Variants in IQCK observed in about 807,000 individuals in gnomAD.
IQCK encodes the protein IQ domain-containing protein K.
IQCK carries 29 observed loss-of-function variants against 28.1 expected under a neutral mutation model. The observed-to-expected ratio is 1.03, with a 90% CI of 0.77 to 1.41. IQCK has a LOEUF of 1.41. Ranked by LOEUF, IQCK falls within the 40% of genes most tolerant of loss-of-function variation. The pLI is 0.00. For missense variants in IQCK, 359 were observed against 314.7 expected (o/e 1.14, Z -1.07); for synonymous variants, 113 against 115.1 (o/e 0.98, Z 0.12).
chr16:19,810,405 G>A (rs1271117396), intron 7 of IQCK, among the ~76,000 whole-genome samples: 2 of 151,940 alleles, frequency 1.3e-5, no homozygotes, highest in Non-Finnish European at 2.9e-5. Flanking sequence ...GCTGAGGCAG[G>A]AGAATGGTGT....
intron 1 of IQCK, among the ~76,000 whole-genome samples, chr16:19,729,565 G>C (rs986260641): frequency 2.0e-5 from 3 of 152,174 alleles, no homozygotes; most frequent in Non-Finnish European, 4.4e-5. Flanking sequence ...CAGACTCTTA[G>C]ATAAAGCGTC....
At chr16:19,727,764 T>C (rs1031899986) in intron 1 of IQCK, among the ~76,000 whole-genome samples, 4 of 152,150 alleles carry the variant, frequency 2.6e-5, no homozygotes, top group African/African-American at 7.2e-5. Flanking sequence ...TATAAATGTA[T>C]ACATTTTAAA....
At chr16:19,820,166 G>T (rs1177440627) in intron 7 of IQCK, among the ~76,000 whole-genome samples, 1 of 151,968 alleles carries the variant, frequency 6.6e-6, no homozygotes, top group Non-Finnish European at 1.5e-5. Flanking sequence ...CTTAGATTTG[G>T]CAATAATTTT....
At chr16:19,775,269 A>G (rs977417062) in intron 6 of IQCK, among the ~76,000 whole-genome samples, 2 of 151,838 alleles carry the variant, frequency 1.3e-5, no homozygotes, top group African/African-American at 4.8e-5. Context: ...AATGCAAGCA[A>G]TTCTTGCCAC....
At chr16:19,773,561 T>G (rs1393580794) in intron 6 of IQCK, among the ~76,000 whole-genome samples, 1 of 152,192 alleles carries the variant, frequency 6.6e-6, no homozygotes, top group Non-Finnish European at 1.5e-5. Flanking sequence ...GTTAAGTCTT[T>G]TAGGCTTTGC....
intron 4 of IQCK, among the ~76,000 whole-genome samples, chr16:19,759,218 T>C (rs1260603910): frequency 6.6e-6 from 1 of 152,012 alleles, no homozygotes; most frequent in African/African-American, 2.4e-5. Context: ...TAATTATTAT[T>C]ATTATTATTT....
intron 7 of IQCK, among the ~76,000 whole-genome samples, chr16:19,811,626 A>G (rs2055906555): frequency 6.6e-6 from 1 of 152,208 alleles, no homozygotes; most frequent in Non-Finnish European, 1.5e-5. Flanking sequence ...TGAGTCACAG[A>G]GATAGTGCCT....
intron 9 of IQCK, among the ~76,000 whole-genome samples, chr16:19,842,826 G>A (rs1220350778): frequency 6.6e-6 from 1 of 152,108 alleles, no homozygotes; most frequent in Non-Finnish European, 1.5e-5. Flanking sequence ...AATCTTTTAA[G>A]GAAGGAAGCA....
intron 6 of IQCK, among the ~76,000 whole-genome samples, chr16:19,765,146 C>T (rs1174617714): frequency 6.8e-6 from 1 of 147,268 alleles, no homozygotes; most frequent in Non-Finnish European, 1.5e-5. Context: ...GGCGTGAACC[C>T]TGGAGGCGGA....
In IQCK at chr16:19,719,556, C is replaced by T. The variant is rs1977410016; in HGVS notation, c.181+1069C>T. 2.0e-5 allele frequency among the ~76,000 whole-genome samples: 3 copies of T among 150,504 alleles called. No individual in the cohort carries two copies. In the East Asian group the frequency reaches 5.9e-4, roughly 30 times the overall value. On this transcript the variant is annotated intron_variant, in intron 1 of 7. Transcript: ENST00000564186. ...AGTGAGCCGAGTTTGCGCCACTGCA[C>T]TCCAGCCTGGGTGACAGAGCGAGAC...
intron 9 of IQCK, among the ~76,000 whole-genome samples, chr16:19,851,903 G>A (rs548276116): frequency 6.6e-6 from 1 of 152,250 alleles, no homozygotes; most frequent in Non-Finnish European, 1.5e-5. Context: ...GTACCTACCT[G>A]TGCAAGGCTG....
At chr16:19,766,122 A>G (rs1328083774) in intron 6 of IQCK, 7 of 152,238 alleles carry the variant, frequency 4.6e-5, no homozygotes, top group Admixed American at 3.9e-4. Context: ...ATGACCTTTC[A>G]AAGAGATGCC....
At chr16:19,745,522 G>C (rs2054898806) in intron 4 of IQCK, among the ~76,000 whole-genome samples, 1 of 152,162 alleles carries the variant, frequency 6.6e-6, no homozygotes, top group Non-Finnish European at 1.5e-5. Flanking sequence ...GAAGTAATTA[G>C]AGCCGTGACT....
At chr16:19,764,942 G>A (rs1362251809) in intron 6 of IQCK, among the ~76,000 whole-genome samples, 4 of 136,670 alleles carry the variant, frequency 2.9e-5, no homozygotes, top group Non-Finnish European at 6.2e-5. Context: ...CTCGTGATCC[G>A]CCCACCTCAG....
In IQCK at chr16:19,735,487, C is replaced by A. The variant is rs768877989; in HGVS notation, c.474+37C>A. ...GGCAGGATTTCTTTATTTTGAGATT[C>A]TCAATCATTCATTATTATCAGATGA... On this transcript the variant is annotated intron_variant, in intron 4 of 7. Transcript: ENST00000564186. 2.6e-5 allele frequency: 37 copies of A among 1,414,376 alleles called. No homozygotes were observed. In the East Asian group the frequency reaches 7.7e-4, roughly 30 times the overall value. The allele number at this position is 1,414,376 out of a possible 1,614,324, so 87.6% of individuals were successfully genotyped here.
At chr16:19,719,533 T>C (rs1977408485) in intron 1 of IQCK, among the ~76,000 whole-genome samples, 2 of 150,818 alleles carry the variant, frequency 1.3e-5, no homozygotes, top group East Asian at 4.0e-4. Context: ...GGCGTTGCAG[T>C]GAGCCGAGTT....
chr16:19,784,003 TGAAAAACA>T (rs1482168823), intron 6 of IQCK, among the ~76,000 whole-genome samples: 1 of 145,720 alleles, frequency 6.9e-6, no homozygotes, highest in East Asian at 2.1e-4. Context: ...ACATCGGTTG[TGAAAAACA>T]TACTTAAAGC....
intron 7 of IQCK, among the ~76,000 whole-genome samples, chr16:19,820,518 G>A (rs534392194): frequency 1.6e-4 from 25 of 152,072 alleles, no homozygotes; most frequent in African/African-American, 4.8e-4. Context: ...GCGCAGGGGC[G>A]GGCGCCTGTA....
Position 19,835,773 on chromosome 16 carries a change from C to T in IQCK, c.802+8636C>T, listed in dbSNP as rs111458378. ...TTAATTTTTGTATTTTTAGTAGAGA[C>T]GGGGTTTCACCATGTTGGCTAGGCT... On this transcript the variant is annotated intron_variant, in intron 9 of 9. Coordinates refer to the IQCK transcript ENST00000320394. 8.3e-3 allele frequency among the ~76,000 whole-genome samples: 1,263 copies of T among 151,948 alleles called. 19 individuals are homozygous for T. Among genetic ancestry groups the T allele is most frequent in the African/African-American group, 0.029 (1,188 of 41,460 alleles).
Sources: gnomAD v4.1 joint callset for allele counts (sites outside exome capture counted in the v4.1 genomes callset) on GRCh38, gnomAD v4.1.1 for gene constraint, MANE v1.5 for transcripts, NCBI Gene and HGNC (gene_info 2026-07-23, HGNC 2026-07-21) for gene names.